Variants in ZFP82 observed in about 807,000 individuals in gnomAD.
ZFP82 encodes zinc finger protein 82 homolog.
Under a neutral mutation model 54.0 loss-of-function variants are expected in ZFP82, and 30 were observed. The observed-to-expected ratio is 0.56, with a 90% confidence interval of 0.42 to 0.75. The LOEUF is 0.75. Among genes scored for constraint, ZFP82 ranks in the 30% least tolerant of loss-of-function variants. The pLI, the probability that ZFP82 is intolerant of heterozygous loss-of-function variation, is 0.00. For missense variants in ZFP82, 500 were observed against 636.8 expected (o/e 0.79, Z 2.31); for synonymous variants, 194 against 209.5 (o/e 0.93, Z 0.64).
chr19:36,399,551 G>A (rs1252619698), intron 4 of ZFP82, among the ~76,000 whole-genome samples: 1 of 152,204 alleles, frequency 6.6e-6, no homozygotes, highest in Non-Finnish European at 1.5e-5. Context: ...CACAGTCGCA[G>A]GCCCAGGTGA....
chr19:36,408,817 C>CA (rs999048465), intron 2 of ZFP82, among the ~76,000 whole-genome samples: 39 of 148,104 alleles, frequency 2.6e-4, no homozygotes, highest in South Asian at 6.5e-4. Context: ...AACTCCGTCT[C>CA]AAAAAAAAAC....
chr19:36,394,564 G>A (rs1384192244), intron 4 of ZFP82: 1 of 168,020 alleles, frequency 6.0e-6, no homozygotes, highest in Non-Finnish European at 1.3e-5. Flanking sequence ...GAAGGCCTCT[G>A]CTTACCTACA....
chr19:36,392,653 A>G lies in ZFP82; in HGVS notation c.*88T>C, dbSNP rs1010423102. 1.7e-6 allele frequency: 2 copies of G among 1,171,778 alleles called. No individual in the cohort carries two copies. Among genetic ancestry groups the G allele is most frequent in the Middle Eastern group, 2.9e-4 (1 of 3,448 alleles). 72.6% of individuals were successfully genotyped at this position (1,171,778 alleles called of 1,614,324 possible). A position where few individuals can be genotyped will look rare whatever the true frequency, so the allele number is the denominator to read the frequency against. ...CTCTTTTAATGGTATAAAACCTCTAATGCCAACGCAGTTGCATGTATGGAG... is the reference window on the plus strand; with the variant it reads ...CTCTTTTAATGGTATAAAACCTCTAGTGCCAACGCAGTTGCATGTATGGAG... On this transcript the variant is annotated 3_prime_UTR_variant, in exon 5 of 5. Transcript: ENST00000392161.
At chr19:36,395,493 G>A (rs779330457) in intron 4 of ZFP82, 1 of 152,148 alleles carries the variant, frequency 6.6e-6, no homozygotes, top group Non-Finnish European at 1.5e-5. Context: ...ACTCAGAAAT[G>A]TGGAAAAAAG....
chr19:36,402,263 TC>T (rs1398816439), intron 4 of ZFP82, among the ~76,000 whole-genome samples: 1 of 151,990 alleles, frequency 6.6e-6, no homozygotes, highest in Non-Finnish European at 1.5e-5. Flanking sequence ...GGTCAGGAGA[TC>T]AAGACCATCC....
chr19:36,388,514 T>C (rs888365515), downstream of ZFP82, among the ~76,000 whole-genome samples: 2 of 152,098 alleles, frequency 1.3e-5, no homozygotes, highest in Non-Finnish European at 2.9e-5. Context: ...TTTAGGTTTC[T>C]CTAGATTGAA....
intron 4 of ZFP82, among the ~76,000 whole-genome samples, chr19:36,401,893 T>C (rs1212349590): frequency 6.6e-6 from 1 of 152,240 alleles, no homozygotes; most frequent in Non-Finnish European, 1.5e-5. Context: ...GAGCCCTTAC[T>C]TCATGTCTCT....
At chr19:36,397,219 A>C (rs2032311149) in intron 4 of ZFP82, among the ~76,000 whole-genome samples, 1 of 151,282 alleles carries the variant, frequency 6.6e-6, no homozygotes, top group South Asian at 2.1e-4. Flanking sequence ...CAGCCTCCTG[A>C]GTAGCTGGGA....
At chr19:36,397,609 A>G (rs1411266827) in intron 4 of ZFP82, among the ~76,000 whole-genome samples, 2 of 151,966 alleles carry the variant, frequency 1.3e-5, no homozygotes, top group Non-Finnish European at 2.9e-5. Context: ...CACCCAGGCT[A>G]GAGTGCAGTA....
chr19:36,386,134 C>T (rs573881921), downstream of ZFP82, among the ~76,000 whole-genome samples: 19 of 152,316 alleles, frequency 1.2e-4, no homozygotes, highest in African/African-American at 4.6e-4. Flanking sequence ...TGAGGCTGCC[C>T]CTTCCATCAC....
chr19:36,405,546 G>A lies in ZFP82; in HGVS notation c.229+34C>T, dbSNP rs73608344. ...TCCCCAGTGATCTGGGGTTCCCTGT[G>A]TTGATGGCTTCTTCCTGCCCAACTA... On this transcript the variant is annotated intron_variant, in intron 4 of 4. Transcript: ENST00000392161. 5,432 of 1,530,350 alleles carry A rather than the reference G, an allele frequency of 3.5e-3. 180 individuals are homozygous for A. In the African/African-American group the frequency reaches 0.066, roughly 19 times the overall value. 94.8% of individuals were successfully genotyped at this position (1,530,350 alleles called of 1,614,324 possible). A position where few individuals can be genotyped will look rare whatever the true frequency, so the allele number is the denominator to read the frequency against.
chr19:36,405,181 T>A (rs754174706), intron 4 of ZFP82, among the ~76,000 whole-genome samples: 1 of 90,394 alleles, frequency 1.1e-5, no homozygotes, highest in African/African-American at 4.9e-5. Context: ...CGAAACTGCA[T>A]CTCAGAAAAA....
chr19:36,417,059 C>G (rs1176292297), intron 1 of ZFP82, among the ~76,000 whole-genome samples: 2 of 95,012 alleles, frequency 2.1e-5, no homozygotes, highest in Non-Finnish European at 3.7e-5. Context: ...GGTGACAGAG[C>G]AAGACCCTGT....
At chr19:36,404,779 A>G (rs2032451724) in intron 4 of ZFP82, among the ~76,000 whole-genome samples, 2 of 152,214 alleles carry the variant, frequency 1.3e-5, no homozygotes, top group Non-Finnish European at 2.9e-5. Flanking sequence ...AGCCTAGGCT[A>G]CACTTCCCAG....
In ZFP82 at chr19:36,392,968, C is replaced by T. The variant is rs771723650; in HGVS notation, c.1372G>A (p.Ala458Thr). Residue 458 changes from alanine to threonine, a missense_variant, in exon 5 of 5, where the codon GCC becomes ACC. Coordinates refer to ENST00000392161, the MANE Select transcript of ZFP82 (RefSeq NM_133466.4). ...KPYKCKECGK[A>T]FRLRQKLTLH... ...GTAAGTTTTTGGCGCAATCTAAAGG[C>T]CTTGCCACATTCCTTACATTTATAA... The T allele has an allele frequency of 2.5e-6, 4 of 1,613,954 alleles. No individual in the cohort carries two copies. The highest frequency in any genetic ancestry group is 3.4e-6 in the Non-Finnish European group (4 of 1,179,996).
chr19:36,413,900 A>ATTT (rs534093783), intron 1 of ZFP82, among the ~76,000 whole-genome samples: 4 of 138,194 alleles, frequency 2.9e-5, no homozygotes, highest in Admixed American at 7.4e-5. Flanking sequence ...ATCTTCAATA[A>ATTT]TTTTTTTTTT....
At chr19:36,401,794 T>C (rs910606101) in intron 4 of ZFP82, among the ~76,000 whole-genome samples, 3 of 152,228 alleles carry the variant, frequency 2.0e-5, no homozygotes, top group Non-Finnish European at 4.4e-5. Context: ...TGGCCGTCTT[T>C]GTTATTCCTC....
At chr19:36,415,100 C>T (rs1168537715) in intron 1 of ZFP82, among the ~76,000 whole-genome samples, 5 of 152,168 alleles carry the variant, frequency 3.3e-5, no homozygotes, top group Non-Finnish European at 5.9e-5. Flanking sequence ...GAATTACAGG[C>T]GTGAGCCACC....
chr19:36,408,034 T>C (rs1326408530), intron 2 of ZFP82, 21 bp from the exon 3 acceptor site: 1 of 1,606,870 alleles, frequency 6.2e-7, no homozygotes. Context: ...AAACCACACA[T>C]TATAAATGAA....
Sources: allele counts gnomAD v4.1 joint callset (sites outside exome capture counted in the v4.1 genomes callset), GRCh38; gene constraint gnomAD v4.1.1; transcripts MANE v1.5; gene names NCBI Gene and HGNC (gene_info 2026-07-23, HGNC 2026-07-21).